Variants in ZIM2 observed in about 807,000 individuals in gnomAD.
The protein encoded by ZIM2 is zinc finger imprinted 2.
A neutral mutation model predicts 38.6 loss-of-function variants in ZIM2; 14 were observed. That is an observed-to-expected ratio of 0.36 (90% CI 0.24 to 0.57). The LOEUF is 0.57. Ranked by LOEUF, ZIM2 falls within the 20% of genes least tolerant of loss-of-function variation. ZIM2 has a pLI of 0.81. For missense variants in ZIM2, 680 were observed against 695.1 expected (o/e 0.98, Z 0.24); for synonymous variants, 247 against 245.8 (o/e 1.00, Z -0.04).
In ZIM2 at chr19:56,817,153, C is replaced by T. The variant is rs200432404; in HGVS notation, c.490+593G>A. 1.9e-6 allele frequency: 3 copies of T among 1,614,224 alleles called. No individual in the cohort carries two copies. The East Asian group carries it at 6.7e-5, about 36-fold the overall frequency. ...GGAGGGGGAGCTGAGGCTGCTCAGG[C>T]TGCTCACGCTCATGGCTTTTCTCAT... On this transcript the variant is annotated intron_variant, in intron 9 of 12. Coordinates refer to ENST00000629319, the MANE Select transcript of ZIM2 (RefSeq NM_001387356.1).
chr19:56,808,494 C>T (rs1050430269), intron 9 of ZIM2, among the ~76,000 whole-genome samples: 1 of 152,140 alleles, frequency 6.6e-6, no homozygotes, highest in Non-Finnish European at 1.5e-5. Context: ...GGCTACAAAA[C>T]TGCCCTTTCT....
intron 9 of ZIM2, chr19:56,816,649 CGTTCAT>C (rs752107542): frequency 1.5e-4 from 237 of 1,613,514 alleles, no homozygotes; most frequent in African/African-American, 3.9e-4. Context: ...TTCACGTTCA[CGTTCAT>C]GTTCACGCTC....
rs772166672 is a variant in ZIM2, at chr19:56,814,996, G to A, written c.490+2750C>T. On this transcript the variant is annotated intron_variant, in intron 9 of 12. Coordinates refer to ENST00000629319, the MANE Select transcript of ZIM2 (RefSeq NM_001387356.1). This position sits in a 1 kb window ranked among gnomAD's most constrained non-coding sequence, Gnocchi z 5.8. ...GTAATCTCTCTGATACTCGCTGATG[G>A]AATGGGTGTGAATTACAGAATGTGT... 1 of 1,614,144 alleles carries A rather than the reference G, an allele frequency of 6.2e-7. No homozygotes were observed. Among genetic ancestry groups the A allele is most frequent in the Non-Finnish European group, 8.5e-7 (1 of 1,180,014 alleles).
intron 9 of ZIM2, chr19:56,798,203 C>T (rs2047326360): frequency 6.6e-6 from 1 of 152,146 alleles, no homozygotes; most frequent in African/African-American, 2.4e-5. Context: ...CAAAGTTTAG[C>T]CATGTGAACA....
intron 9 of ZIM2, among the ~76,000 whole-genome samples, chr19:56,807,804 A>T (rs1421224659): frequency 6.6e-6 from 1 of 151,682 alleles, no homozygotes; most frequent in Non-Finnish European, 1.5e-5. Context: ...AAAAAAAAAG[A>T]AAATTAAAAA....
chr19:56,821,204 G>A (rs2060454456), intron 7 of ZIM2, among the ~76,000 whole-genome samples: 1 of 152,208 alleles, frequency 6.6e-6, no homozygotes. Context: ...CAGCTTATGA[G>A]TAAATGGCCC....
chr19:56,812,821 A>AT (rs1207585790), intron 9 of ZIM2: 3 of 980,300 alleles, frequency 3.1e-6, no homozygotes, highest in Admixed American at 6.2e-5. Flanking sequence ...AGTTGGTTAA[A>AT]AAAAAAAAAA....
intron 2 of ZIM2, among the ~76,000 whole-genome samples, chr19:56,831,244 C>G (rs1441169405): frequency 6.6e-6 from 1 of 152,168 alleles, no homozygotes; most frequent in Admixed American, 6.5e-5. Context: ...TGGGACATAA[C>G]AGAGTCCAGA....
chr19:56,833,196 T>C, intron 2 of ZIM2: 1 of 515,288 alleles, frequency 1.9e-6, no homozygotes, highest in Non-Finnish European at 3.9e-6. Context: ...CAGGAGAAAA[T>C]CCACCGAGTC....
intron 9 of ZIM2, chr19:56,812,897 C>G (rs1447126971): frequency 3.0e-6 from 3 of 984,656 alleles, no homozygotes; most frequent in East Asian, 2.3e-4. Context: ...CATGTGGCAA[C>G]CAATCAATCT....
chr19:56,817,794 C>A lies in ZIM2; in HGVS notation c.442G>T (p.Gly148Cys). The change falls in exon 9 of 13, where the codon GGC (glycine) becomes TGC (cysteine). Residue 148 changes from glycine (G) to cysteine (C), a missense_variant. Gly to Cys is a radical substitution (Grantham distance 159). Transcript: ENST00000629319. ...CTTCTCTTGGATCTTGATGAGTGGCCCTGCGTCATGTGGGAGTGGCCATCG... is the reference window on the plus strand; with the variant it reads ...CTTCTCTTGGATCTTGATGAGTGGCACTGCGTCATGTGGGAGTGGCCATCG... Reference protein sequence around the residue: ...EDDGHSHMTQGHSSRSKRSAY... With the variant: ...EDDGHSHMTQCHSSRSKRSAY... 1 of 1,614,074 alleles carries A rather than the reference C, an allele frequency of 6.2e-7. No individual in the cohort carries two copies. Among genetic ancestry groups the A allele is most frequent in the Non-Finnish European group, 8.5e-7 (1 of 1,180,026 alleles).
chr19:56,839,728 A>G (rs921573261), intron 1 of ZIM2, among the ~76,000 whole-genome samples: 10 of 143,618 alleles, frequency 7.0e-5, no homozygotes, highest in Non-Finnish European at 1.5e-4. Context: ...ACCCACAGTC[A>G]TTCAGCTTTG....
chr19:56,802,146 TA>T (rs1277492563), intron 9 of ZIM2, among the ~76,000 whole-genome samples: 1 of 152,032 alleles, frequency 6.6e-6, no homozygotes, highest in Non-Finnish European at 1.5e-5. Context: ...GTCCAAGTAG[TA>T]AAAATGACAG....
intron 9 of ZIM2, among the ~76,000 whole-genome samples, chr19:56,807,395 A>T (rs2047809328): frequency 6.6e-6 from 1 of 152,214 alleles, no homozygotes; most frequent in South Asian, 2.1e-4. Context: ...GTATCATGTT[A>T]TGATTATACA....
intron 9 of ZIM2, among the ~76,000 whole-genome samples, chr19:56,796,640 C>T (rs1325259669): frequency 6.6e-6 from 1 of 152,176 alleles, no homozygotes; most frequent in African/African-American, 2.4e-5. Flanking sequence ...TGAGCTTGCT[C>T]AGTGAGTCCA....
At chr19:56,823,524 T>C in intron 5 of ZIM2, 66 bp downstream of exon 5, 3 of 1,595,564 alleles carry the variant, frequency 1.9e-6, no homozygotes, top group African/African-American at 1.3e-5. Flanking sequence ...CCCAACCCAC[T>C]GTGTCTCCAT....
rs1401167752 is a variant in ZIM2 at position 56,774,751 on chromosome 19, T to G, written c.1614A>C (p.Ser538=). 2.5e-6 allele frequency: 4 copies of G among 1,614,044 alleles called. No individual in the cohort carries two copies. Among genetic ancestry groups the G allele is most frequent in the Non-Finnish European group, 3.4e-6 (4 of 1,180,046 alleles). ...QLCGKCFGRP[S]YLTQHYQLHS... Reference sequence around the variant, plus strand: ...GGAGTTGATAATGTTGAGTGAGGTATGAGGGTCGGCCGAAACATTTCCCAC... The same window carrying G: ...GGAGTTGATAATGTTGAGTGAGGTAGGAGGGTCGGCCGAAACATTTCCCAC... The change falls in exon 13 of 13, where the codon TCA becomes TCC. Residue 538 remains serine, a synonymous_variant. Transcript: ENST00000629319.
In ZIM2 at chr19:56,775,228, C is replaced by T; in HGVS notation, c.1137G>A (p.Arg379=). The change falls in exon 13 of 13, where the codon CGG becomes CGA. Residue 379 remains arginine, a synonymous_variant. Coordinates refer to ENST00000629319, the MANE Select transcript of ZIM2 (RefSeq NM_001387356.1). ...CATAGGGTTTCTTCCCAGTATGGATCCGTTCGTGTCTCCTAAGGGCTACTT... is the reference window on the plus strand; with the variant it reads ...CATAGGGTTTCTTCCCAGTATGGATTCGTTCGTGTCTCCTAAGGGCTACTT... ...STQVALRRHE[R]IHTGKKPYEC... 1 of 1,614,132 alleles carries T rather than the reference C, an allele frequency of 6.2e-7. No homozygotes were observed. Among genetic ancestry groups the T allele is most frequent in the Non-Finnish European group, 8.5e-7 (1 of 1,180,042 alleles).
chr19:56,810,117 T>A (rs1435126344), intron 9 of ZIM2: 2 of 953,928 alleles, frequency 2.1e-6, no homozygotes, highest in African/African-American at 3.5e-5. Flanking sequence ...TTGACACTAT[T>A]ACAGATAGAA....
Sources: allele counts gnomAD v4.1 joint callset (sites outside exome capture counted in the v4.1 genomes callset), GRCh38; gene constraint gnomAD v4.1.1; non-coding constraint Gnocchi (gnomAD v3.1); transcripts MANE v1.5; gene names NCBI Gene and HGNC (gene_info 2026-07-23, HGNC 2026-07-21).